The following FRMPD4 variants were observed in gnomAD, a reference collection of about 807,000 sequenced individuals.
The protein encoded by FRMPD4 is FERM and PDZ domain-containing protein 4.
Under a neutral mutation model 94.1 loss-of-function variants are expected in FRMPD4, and 22 were observed. That is an observed-to-expected ratio of 0.23 (90% confidence interval 0.17 to 0.33). FRMPD4 has a LOEUF of 0.33. Ranked by LOEUF, FRMPD4 falls within the 10% of genes least tolerant of loss-of-function variation. The pLI is 1.00. For synonymous variants in FRMPD4, 631 were observed against 548.6 expected (o/e 1.15, Z -2.10); for missense variants, 1,111 against 1,339.9 (o/e 0.83, Z 2.67).
At chrX:12,113,864 A>G (rs765055116) in intron 3 of FRMPD4, among the ~76,000 whole-genome samples, 13 of 111,973 alleles carry the variant, frequency 1.2e-4, no homozygotes, top group Non-Finnish European at 5.6e-5. Context: ...ACTGTATTAA[A>G]TACAATGAGA....
Position 12,095,131 on chromosome X carries a change from C to G in FRMPD4, c.95+217113C>G, listed in dbSNP as rs751665815. On this transcript the variant is annotated intron_variant, in intron 3 of 18. Coordinates refer to the FRMPD4 transcript ENST00000640291. ...GTGGCTCACCCCTGTAGTCCTAACA[C>G]TTTGAGAGGCCAAGGCAGGAAGATT... 5.4e-5 allele frequency among the ~76,000 whole-genome samples: 6 copies of G among 111,490 alleles called. No homozygotes were observed. The South Asian group carries it at 2.3e-3, about 42-fold the overall frequency.
intron 1 of FRMPD4, among the ~76,000 whole-genome samples, chrX:12,232,539 A>G (rs2023758): frequency 0.19 from 21,354 of 110,407 alleles, 1,800 homozygotes; most frequent in East Asian, 0.53. Flanking sequence ...GGGAACTACA[A>G]TTCAAGATGA....
intron 1 of FRMPD4, among the ~76,000 whole-genome samples, chrX:12,414,332 T>C (rs778897757): frequency 8.9e-6 from 1 of 112,466 alleles, no homozygotes; most frequent in East Asian, 2.8e-4. Context: ...AGGTCTATCA[T>C]TGATTCAACA....
rs187984424 is a variant in FRMPD4, at chrX:12,664,519, A to T, written c.423-10344A>T. Among the ~76,000 whole-genome samples, 352 of 112,161 alleles carry T rather than the reference A, an allele frequency of 3.1e-3. 1 individual carries two copies. Among genetic ancestry groups the T allele is most frequent in the African/African-American group, 0.011 (330 of 30,851 alleles). On this transcript the variant is annotated intron_variant, in intron 4 of 16. Coordinates refer to ENST00000675598, the MANE Select transcript of FRMPD4 (RefSeq NM_001368397.1). ...ATGGATTACATTTATTGATTTGCAT[A>T]CGTTGAACCAGCCTTGCATCCCAGG...
chrX:12,539,044 A>T (rs1460338314), intron 2 of FRMPD4, among the ~76,000 whole-genome samples: 3 of 111,937 alleles, frequency 2.7e-5, no homozygotes, highest in Admixed American at 1.9e-4. Context: ...TTTGAAAAAA[A>T]ATTAGATGAA....
intron 1 of FRMPD4, among the ~76,000 whole-genome samples, chrX:12,403,633 G>A (rs925865482): frequency 1.8e-5 from 2 of 111,012 alleles, no homozygotes; most frequent in African/African-American, 6.6e-5. Flanking sequence ...GATCACTGTC[G>A]GCCCAGCACC....
intron 2 of FRMPD4, among the ~76,000 whole-genome samples, chrX:12,592,605 C>T (rs186071040): frequency 2.7e-5 from 3 of 111,941 alleles, no homozygotes; most frequent in Non-Finnish European, 5.6e-5. Flanking sequence ...TTCTTGTACC[C>T]TTCTTGCTTA....
chrX:12,262,429 G>T (rs1237290760), intron 1 of FRMPD4, among the ~76,000 whole-genome samples: 1 of 111,059 alleles, frequency 9.0e-6, no homozygotes, highest in Non-Finnish European at 1.9e-5. Flanking sequence ...GATAAAGTTT[G>T]CCAATCCCTG....
At chrX:12,501,081 C>T (rs1302656072) in intron 2 of FRMPD4, among the ~76,000 whole-genome samples, 3 of 112,125 alleles carry the variant, frequency 2.7e-5, no homozygotes, top group Non-Finnish European at 5.6e-5. Context: ...GTTAGAGGTT[C>T]TGGGAACGTC....
At chrX:12,690,525 G>A (rs777656877) in intron 8 of FRMPD4, among the ~76,000 whole-genome samples, 199 bp downstream of exon 8, 1 of 112,026 alleles carries the variant, frequency 8.9e-6, no homozygotes, top group Non-Finnish European at 1.9e-5. Flanking sequence ...TTTGCAGACT[G>A]TCAGTCTCAC....
At chrX:12,311,536 CT>C (rs1430036971) in intron 1 of FRMPD4, among the ~76,000 whole-genome samples, 1 of 109,243 alleles carries the variant, frequency 9.2e-6, no homozygotes. Context: ...CATCTTTCTT[CT>C]TTTTTTTTAA....
intron 1 of FRMPD4, among the ~76,000 whole-genome samples, chrX:12,371,512 T>C (rs1342718187): frequency 8.9e-6 from 1 of 112,701 alleles, no homozygotes; most frequent in Non-Finnish European, 1.9e-5. Context: ...ATGAAGAGTT[T>C]CTTTTGGTTT....
intron 7 of FRMPD4, among the ~76,000 whole-genome samples, chrX:12,687,715 G>C (rs761596236): frequency 8.9e-6 from 1 of 112,458 alleles, no homozygotes; most frequent in Admixed American, 9.4e-5. Flanking sequence ...AAAGCCTCCA[G>C]ATGTCCTCTT....
At chrX:12,451,594 C>A in intron 1 of FRMPD4, among the ~76,000 whole-genome samples, 1 of 111,750 alleles carries the variant, frequency 8.9e-6, no homozygotes, top group Non-Finnish European at 1.9e-5. Context: ...TATGTAATAT[C>A]TTTGCTTGTA....
intron 1 of FRMPD4, among the ~76,000 whole-genome samples, chrX:12,234,123 G>A (rs2057044279): frequency 9.0e-6 from 1 of 111,631 alleles, no homozygotes; most frequent in Admixed American, 9.6e-5. Context: ...AAGCTGTGTG[G>A]CCAGCCAAGC....
chrX:12,240,658 G>T (rs775165190), intron 1 of FRMPD4, among the ~76,000 whole-genome samples: 1 of 112,104 alleles, frequency 8.9e-6, no homozygotes, highest in South Asian at 3.7e-4. Flanking sequence ...TTGTTTTTTG[G>T]TTTTTATGGG....
intron 1 of FRMPD4, among the ~76,000 whole-genome samples, chrX:12,298,492 A>G (rs2054808209): frequency 8.9e-6 from 1 of 112,391 alleles, no homozygotes; most frequent in Non-Finnish European, 1.9e-5. Flanking sequence ...GGGAAGTTTC[A>G]TAGCTAAGTT....
chrX:11,841,118 T>A (rs1439314293), intron 1 of FRMPD4, among the ~76,000 whole-genome samples: 1 of 110,101 alleles, frequency 9.1e-6, no homozygotes, highest in African/African-American at 3.3e-5. Context: ...GGTGTATATG[T>A]GCCACATTTT....
chrX:12,320,854 G>GA (rs922143533), intron 1 of FRMPD4, among the ~76,000 whole-genome samples: 11 of 108,868 alleles, frequency 1.0e-4, no homozygotes, highest in East Asian at 2.9e-4. Context: ...ACTAAAAACT[G>GA]AAAAAAAAAT....
Sources: gnomAD v4.1 joint callset for allele counts (sites outside exome capture counted in the v4.1 genomes callset) on GRCh38, gnomAD v4.1.1 for gene constraint, MANE v1.5 for transcripts, NCBI Gene and HGNC (gene_info 2026-07-23, HGNC 2026-07-21) for gene names.